The following DPY19L1 variants were observed in gnomAD, a reference collection of about 807,000 sequenced individuals.
DPY19L1 encodes the protein protein C-mannosyl-transferase DPY19L1.
Under a neutral mutation model 96.9 loss-of-function variants are expected in DPY19L1, and 35 were observed. The observed-to-expected ratio is 0.36, with a 90% CI of 0.28 to 0.48. DPY19L1 has a LOEUF of 0.48. Ranked by LOEUF, DPY19L1 falls within the 20% of genes least tolerant of loss-of-function variation. The probability of loss-of-function intolerance (pLI) is 0.99; values close to 1 mark genes in which losing one functional copy is unlikely to be tolerated. For missense variants in DPY19L1, 521 were observed against 777.9 expected, an observed-to-expected ratio of 0.67 and a Z score of 3.93; for synonymous variants, 205 against 252.6, an observed-to-expected ratio of 0.81 and a Z score of 1.79.
intron 11 of DPY19L1, among the ~76,000 whole-genome samples, chr7:34,957,242 C>A (rs1457985663): frequency 5.3e-5 from 8 of 152,002 alleles, no homozygotes; most frequent in Non-Finnish European, 1.0e-4. Flanking sequence ...ACTAGCCGGG[C>A]ATGGTGGCAC....
At chr7:34,935,835 C>T (rs1025645596) in intron 21 of DPY19L1, among the ~76,000 whole-genome samples, 3 of 152,200 alleles carry the variant, frequency 2.0e-5, no homozygotes, top group African/African-American at 7.2e-5. Flanking sequence ...TCTTCACTTT[C>T]CTCTCCTATC....
chr7:35,013,038 T>A (rs912224602), intron 4 of DPY19L1, among the ~76,000 whole-genome samples: 13 of 152,192 alleles, frequency 8.5e-5, no homozygotes, highest in African/African-American at 3.1e-4. Flanking sequence ...ATAAGTAGTT[T>A]CAAAAACACT....
intron 7 of DPY19L1, 147 bp downstream of exon 7, chr7:34,989,737 G>T: frequency 1.5e-6 from 1 of 648,610 alleles, no homozygotes. Context: ...CAATGGTCAT[G>T]AAAAGTTAAC....
chr7:34,964,571 T>C (rs1157049420), intron 10 of DPY19L1, among the ~76,000 whole-genome samples: 6 of 152,174 alleles, frequency 3.9e-5, no homozygotes, highest in Non-Finnish European at 8.8e-5. Flanking sequence ...TATTTAATGC[T>C]AGAAAGTTAA....
At chr7:35,015,586 G>A (rs1375691801) in intron 3 of DPY19L1, among the ~76,000 whole-genome samples, 1 of 152,198 alleles carries the variant, frequency 6.6e-6, no homozygotes, top group Non-Finnish European at 1.5e-5. Context: ...AAAGAGGGAG[G>A]AATCCTCAGT....
intron 6 of DPY19L1, among the ~76,000 whole-genome samples, chr7:34,992,253 A>AT (rs1426113139): frequency 6.6e-6 from 1 of 152,050 alleles, no homozygotes; most frequent in East Asian, 1.9e-4. Context: ...GACAACATGC[A>AT]TTTTCTCTTC....
In DPY19L1 at chr7:35,035,797, G is replaced by T. The variant is rs78953081; in HGVS notation, c.298+1300C>A. Among the ~76,000 whole-genome samples, 598 of 152,204 alleles carry T rather than the reference G, an allele frequency of 3.9e-3. 6 individuals carry two copies. Among genetic ancestry groups the T allele is most frequent in the African/African-American group, 0.012 (512 of 41,522 alleles). ...CCTGAAACTTAAACCAAACTGAACC[G>T]CTGTGTACTAGATCTGAAGGCTCTG... On this transcript the variant is annotated intron_variant, in intron 1 of 21. Coordinates refer to ENST00000638088, the MANE Select transcript of DPY19L1 (RefSeq NM_001366673.1).
At chr7:34,938,612 T>C (rs1231115260) in intron 20 of DPY19L1, among the ~76,000 whole-genome samples, 1 of 152,220 alleles carries the variant, frequency 6.6e-6, no homozygotes, top group Non-Finnish European at 1.5e-5. Flanking sequence ...ATGAGATTGA[T>C]TTTTTAATGA....
At position 34,928,887 on chromosome 7, in the gene DPY19L1, C is replaced by T. The variant is rs1300094153; in HGVS notation, c.*2686G>A. On this transcript the variant is annotated 3_prime_UTR_variant, in exon 22 of 22. Coordinates refer to ENST00000638088, the MANE Select transcript of DPY19L1 (RefSeq NM_001366673.1). ...ATCAAGAAAAACACTTCCCTCATTACTCATGATTTTTTTTAATTTAACATA... is the reference window on the plus strand; with the variant it reads ...ATCAAGAAAAACACTTCCCTCATTATTCATGATTTTTTTTAATTTAACATA... 2 of 152,240 alleles carry T rather than the reference C, an allele frequency of 1.3e-5. No homozygotes were observed. Among genetic ancestry groups the T allele is most frequent in the South Asian group, 2.1e-4 (1 of 4,820 alleles). 9.4% of individuals were successfully genotyped at this position (152,240 alleles called of 1,614,324 possible).
At position 34,937,911 on chromosome 7, in the gene DPY19L1, C is replaced by T. The variant is rs946434721; in HGVS notation, c.2090+83G>A. 3.4e-5 allele frequency: 49 copies of T among 1,453,668 alleles called. No homozygotes were observed. The African/African-American group carries it at 3.7e-4, about 11-fold the overall frequency. 90.0% of individuals were successfully genotyped at this position (1,453,668 alleles called of 1,614,324 possible). ...ATACTTTATGTTATATACACACCCCCGCCACCAGCAAAGCATGTGCCATGT... is the reference window on the plus strand; with the variant it reads ...ATACTTTATGTTATATACACACCCCTGCCACCAGCAAAGCATGTGCCATGT... On this transcript the variant is annotated intron_variant, in intron 21 of 21. Transcript: ENST00000638088.
intron 13 of DPY19L1, among the ~76,000 whole-genome samples, chr7:34,951,089 T>C (rs1784258364): frequency 6.6e-6 from 1 of 152,100 alleles, no homozygotes. Flanking sequence ...TATTATATGC[T>C]AGTAAAATTA....
At chr7:34,967,122 T>C (rs1784627990) in intron 9 of DPY19L1, 151 bp from the exon 10 acceptor site, 2 of 508,916 alleles carry the variant, frequency 3.9e-6, no homozygotes, top group African/African-American at 2.0e-5. Context: ...TTATTAAATA[T>C]AGTCAATATA....
chr7:35,020,897 T>C, intron 1 of DPY19L1, among the ~76,000 whole-genome samples: 1 of 152,140 alleles, frequency 6.6e-6, no homozygotes. Context: ...TCAGGAGAGA[T>C]AAGGTTTGGT....
chr7:34,935,728 T>C (rs1366577230), intron 21 of DPY19L1, among the ~76,000 whole-genome samples: 1 of 151,912 alleles, frequency 6.6e-6, no homozygotes, highest in African/African-American at 2.4e-5. Context: ...AAATGGAGAG[T>C]GAAGGCCAAG....
intron 8 of DPY19L1, among the ~76,000 whole-genome samples, chr7:34,971,698 A>G (rs1784727572): frequency 6.6e-6 from 1 of 152,216 alleles, no homozygotes; most frequent in African/African-American, 2.4e-5. Context: ...AGACAATGAT[A>G]AGAGACTAAA....
chr7:34,996,736 C>T (rs1785293427), intron 6 of DPY19L1, among the ~76,000 whole-genome samples: 1 of 152,080 alleles, frequency 6.6e-6, no homozygotes, highest in Admixed American at 6.5e-5. Flanking sequence ...ATCCAAACAC[C>T]AAAACATATC....
chr7:35,007,824 T>C (rs1316497373), intron 6 of DPY19L1, among the ~76,000 whole-genome samples: 1 of 152,116 alleles, frequency 6.6e-6, no homozygotes, highest in Non-Finnish European at 1.5e-5. Context: ...CTTTGGGGAC[T>C]GGGGAAAGTC....
intron 7 of DPY19L1, among the ~76,000 whole-genome samples, chr7:34,989,632 C>CAAA (rs1562818293): frequency 1.2e-4 from 13 of 111,598 alleles, no homozygotes; most frequent in African/African-American, 4.0e-4. Context: ...AAAACAAAAA[C>CAAA]AACAACAACA....
intron 2 of DPY19L1, 147 bp from the exon 3 acceptor site, chr7:35,018,116 TC>T (rs1438699822): frequency 7.9e-6 from 4 of 505,766 alleles, no homozygotes; most frequent in African/African-American, 5.9e-5. Flanking sequence ...TATATTTTTT[TC>T]ACTCAGTATG....
Sources: gnomAD v4.1 joint callset for allele counts (sites outside exome capture counted in the v4.1 genomes callset) on GRCh38, gnomAD v4.1.1 for gene constraint, MANE v1.5 for transcripts, NCBI Gene and HGNC (gene_info 2026-07-23, HGNC 2026-07-21) for gene names.